CENPF: variants seen among roughly 807,000 people sequenced by gnomAD.
The protein encoded by CENPF is AH antigen.
Under a neutral mutation model 307.3 loss-of-function variants are expected in CENPF, and 214 were observed. The observed-to-expected ratio is 0.70, with a 90% CI of 0.62 to 0.78. CENPF has a LOEUF of 0.78. CENPF is among the 30% of genes least tolerant of loss of function. CENPF has a pLI of 0.00. For synonymous variants in CENPF, 1,259 were observed against 1,270.6 expected (o/e 0.99, Z 0.19); for missense variants, 3,401 against 3,483.9 (o/e 0.98, Z 0.60).
rs368045972 is a variant in CENPF, at chr1:214,647,094, A to G, written c.7524A>G (p.Gln2508=). ...VLQSSVNGLI[Q]EVEDGKQKLE... ...AATCTTCAGTGAATGGCCTCATTCA[A>G]GAAGTAGAAGATGGCAAGCAGAAAC... Residue 2508 remains glutamine (Q), a synonymous_variant, in exon 13 of 20, where the codon CAA becomes CAG. Transcript: ENST00000366955. The G allele has an allele frequency of 3.5e-5, 57 of 1,613,962 alleles. 1 individual carries two copies. The South Asian group carries it at 4.5e-4, about 13-fold the overall frequency.
rs1658320809 is a variant in CENPF, at chr1:214,646,882, A to ACTG, written c.7314_7316dup (p.Ala2439dup). On this transcript the variant is annotated inframe_insertion, in exon 13 of 20. Coordinates refer to ENST00000366955, the MANE Select transcript of CENPF (RefSeq NM_016343.4). ...AGTACAGATGAAAGAAAAATCAAGC[A>ACTG]CTGCCATGGAGATGCTTCAAACACA... 6.2e-7 allele frequency: 1 copy of ACTG among 1,613,834 alleles called. No homozygotes were observed. Among genetic ancestry groups the ACTG allele is most frequent in the African/African-American group, 1.3e-5 (1 of 75,020 alleles).
intron 3 of CENPF, among the ~76,000 whole-genome samples, chr1:214,617,024 CTCTT>C (rs1175198510): frequency 3.0e-5 from 4 of 135,406 alleles, no homozygotes; most frequent in Non-Finnish European, 4.7e-5. Flanking sequence ...CTTTCTCTTT[CTCTT>C]TCTTTCTTTC....
At chr1:214,623,272 A>G (rs191767086) in intron 7 of CENPF, among the ~76,000 whole-genome samples, 4 of 152,306 alleles carry the variant, frequency 2.6e-5, no homozygotes, top group African/African-American at 7.2e-5. Context: ...ATTATTTCCT[A>G]AACAAATACA....
In CENPF at chr1:214,646,154, C is replaced by G; in HGVS notation, c.6584C>G (p.Ala2195Gly). ...CTAAAAACACAAATAGAAGAGATGG[C>G]CAGAAGCCTGAAAGTTTTTGAATTA... ...ETLKTQIEEM[A>G]RSLKVFELDL... The change falls in exon 13 of 20, where the codon GCC (alanine) becomes GGC (glycine). Residue 2195 changes from alanine to glycine, a missense_variant. By Grantham distance (60) the Ala-to-Gly change is moderately conservative. Coordinates refer to ENST00000366955, the MANE Select transcript of CENPF (RefSeq NM_016343.4). The G allele has an allele frequency of 6.2e-7, 1 of 1,613,472 alleles. No individual in the cohort carries two copies. Among genetic ancestry groups the G allele is most frequent in the Non-Finnish European group, 8.5e-7 (1 of 1,179,880 alleles).
intron 17 of CENPF, among the ~76,000 whole-genome samples, chr1:214,656,566 C>G (rs1234261418): frequency 1.3e-5 from 2 of 152,172 alleles, no homozygotes; most frequent in African/African-American, 4.8e-5. Context: ...GACTTCTGTT[C>G]ATCCACTTAT....
intron 1 of CENPF, chr1:214,605,965 G>A: frequency 1.9e-6 from 3 of 1,597,312 alleles, no homozygotes; most frequent in Non-Finnish European, 2.5e-6. Flanking sequence ...TGCCCGAGGT[G>A]AGCGGCGAAT....
intron 1 of CENPF, among the ~76,000 whole-genome samples, chr1:214,607,183 ACCAG>A (rs972858934): frequency 1.3e-5 from 2 of 152,180 alleles, no homozygotes; most frequent in Admixed American, 6.5e-5. Flanking sequence ...GTCACCTGCT[ACCAG>A]GCAGGAGCCC....
In CENPF at chr1:214,646,804, G is replaced by A; in HGVS notation, c.7234G>A (p.Glu2412Lys). The change falls in exon 13 of 20, where the codon GAA (glutamate) becomes AAA (lysine). Residue 2412 changes from glutamate to lysine, a missense_variant. Transcript: ENST00000366955. ...AGAGCAAGAGCGAATATCTGAATTA[G>A]AAATAATAAATTCATCATTTGAAAA... ...QKEQERISEL[E>K]IINSSFENIL... 1 of 1,610,642 alleles carries A rather than the reference G, an allele frequency of 6.2e-7. No individual in the cohort carries two copies. Among genetic ancestry groups the A allele is most frequent in the Non-Finnish European group, 8.5e-7 (1 of 1,178,838 alleles).
rs140195013 is a variant in CENPF, at chr1:214,619,159, A to G, written c.512A>G (p.Tyr171Cys). 156 of 1,576,218 alleles carry G rather than the reference A, an allele frequency of 9.9e-5. No individual in the cohort carries two copies. Among genetic ancestry groups the G allele is most frequent in the Non-Finnish European group, 1.3e-4 (150 of 1,150,696 alleles). ...GSKYEDLKEK[Y>C]NKEVEERKRL... ...AAGTATGAAGATCTAAAAGAAAAAT[A>G]TAATAAAGAGGTTGAAGAACGAAAA... Residue 171 changes from tyrosine to cysteine, a missense_variant, in exon 5 of 20, where the codon TAT becomes TGT. Physicochemically the swap from Tyr to Cys is radical, Grantham distance 194. Transcript: ENST00000366955.
chr1:214,659,145 C>T lies in CENPF; in HGVS notation c.9141+117C>T. On this transcript the variant is annotated intron_variant, in intron 19 of 19. Coordinates refer to ENST00000366955, the MANE Select transcript of CENPF (RefSeq NM_016343.4). This position sits in a 1 kb window ranked among gnomAD's most constrained non-coding sequence, Gnocchi z 4.4. ...GAGCGCTTTCAAAAAGTCTGACCTT[C>T]TTGGTGTGGTGTAAGTCAGTCAGTA... 9.6e-7 allele frequency: 1 copy of T among 1,041,746 alleles called. No homozygotes were observed. The highest frequency in any genetic ancestry group is 1.4e-6 in the Non-Finnish European group (1 of 714,360). The allele number at this position is 1,041,746 out of a possible 1,614,324, so 64.5% of individuals were successfully genotyped here.
At chr1:214,624,526 C>T (rs1334548506) in intron 7 of CENPF, among the ~76,000 whole-genome samples, 3 of 152,100 alleles carry the variant, frequency 2.0e-5, no homozygotes, top group Non-Finnish European at 1.5e-5. Flanking sequence ...TCTAAGTTGT[C>T]AACTTTATGT....
intron 16 of CENPF, 169 bp downstream of exon 16, chr1:214,653,158 G>C (rs1460527282): frequency 1.5e-6 from 1 of 667,500 alleles, no homozygotes; most frequent in Non-Finnish European, 2.7e-6. Flanking sequence ...AAAAATCAGT[G>C]GGTCATCTAC....
At chr1:214,644,067 A>C (rs1658210347) in intron 12 of CENPF, among the ~76,000 whole-genome samples, 1 of 152,234 alleles carries the variant, frequency 6.6e-6, no homozygotes, top group East Asian at 1.9e-4. Context: ...AGTGAGGCTC[A>C]AATATGTAAT....
intron 9 of CENPF, 118 bp downstream of exon 9, chr1:214,630,780 T>G: frequency 3.1e-6 from 4 of 1,271,628 alleles, no homozygotes; most frequent in Non-Finnish European, 1.1e-6. Flanking sequence ...CACCTTCACT[T>G]TCCCTATCAA....
In CENPF at chr1:214,640,519, G is replaced by A; in HGVS notation, c.2181G>A (p.Gln727=). The A allele has an allele frequency of 6.2e-7, 1 of 1,614,146 alleles. No homozygotes were observed. Among genetic ancestry groups the A allele is most frequent in the African/African-American group, 1.3e-5 (1 of 75,060 alleles). ...EIENMCLKTS[Q]LTGQVEDLEH... ...AAAATATGTGTTTGAAGACTTCTCA[G>A]CTTACTGGGCAAGTTGAAGATCTAG... Residue 727 remains glutamine, a synonymous_variant, in exon 12 of 20, where the codon CAG becomes CAA. Coordinates refer to ENST00000366955, the MANE Select transcript of CENPF (RefSeq NM_016343.4).
At chr1:214,630,438 T>A in intron 8 of CENPF, 96 bp from the exon 9 acceptor site, 1 of 1,460,950 alleles carries the variant, frequency 6.8e-7, no homozygotes, top group Non-Finnish European at 9.4e-7. Context: ...TCTCCTGTGC[T>A]CTCTGTGCAG....
chr1:214,613,298 TA>T, intron 1 of CENPF: 3 of 255,160 alleles, frequency 1.2e-5, no homozygotes, highest in South Asian at 1.1e-4. Context: ...AAACACCAGC[TA>T]ACTATGCCAC....
rs763859675 is a variant in CENPF at position 214,644,759 on chromosome 1, A to G, written c.5189A>G (p.Asn1730Ser). 12 of 1,613,764 alleles carry G rather than the reference A, an allele frequency of 7.4e-6. No homozygotes were observed. The highest frequency in any genetic ancestry group is 6.7e-5 in the African/African-American group (5 of 74,884). ...ECSGEQSPDT[N>S]YEPPGEDKTQ... ...TCTGGGGAACAGTCCCCAGATACCAATTATGAGCCTCCAGGGGAAGATAAA... is the reference window on the plus strand; with the variant it reads ...TCTGGGGAACAGTCCCCAGATACCAGTTATGAGCCTCCAGGGGAAGATAAA... Residue 1730 changes from asparagine to serine, a missense_variant, in exon 13 of 20, where the codon AAT (asparagine) becomes AGT (serine). Coordinates refer to ENST00000366955, the MANE Select transcript of CENPF (RefSeq NM_016343.4).
chr1:214,620,700 A>T lies in CENPF; in HGVS notation c.619A>T (p.Ile207Phe), dbSNP rs141779900. The change falls in exon 6 of 20, where the codon ATT (isoleucine) becomes TTT (phenylalanine). Residue 207 changes from isoleucine (I) to phenylalanine (F), a missense_variant. Physicochemically the swap from Ile to Phe is conservative, Grantham distance 21. Transcript: ENST00000366955. ...ACAAGCCACCATGAATCACCGCGAC[A>T]TTGCCCGGCATCAGGCTTCATCATC... ...LPQATMNHRDIARHQASSSVF... is the reference protein window; with the variant it reads ...LPQATMNHRDFARHQASSSVF... The T allele has an allele frequency of 6.2e-6, 10 of 1,614,046 alleles. No individual in the cohort carries two copies. The African/African-American group carries it at 1.2e-4, about 19-fold the overall frequency.
Sources: gnomAD v4.1 joint callset for allele counts (sites outside exome capture counted in the v4.1 genomes callset) on GRCh38, gnomAD v4.1.1 for gene constraint, Gnocchi (gnomAD v3.1) non-coding constraint, MANE v1.5 for transcripts, NCBI Gene and HGNC (gene_info 2026-07-23, HGNC 2026-07-21) for gene names.